The following ZNF737 variants were observed in gnomAD, a reference collection of about 807,000 sequenced individuals.
The protein encoded by ZNF737 is zinc finger protein 737.
In ZNF737, 13 loss-of-function variants were observed where a neutral mutation model predicts 11.7. That is an observed-to-expected ratio of 1.11 (90% CI 0.73 to 1.77). The LOEUF (loss-of-function observed/expected upper bound fraction) is 1.77. ZNF737 is among the 40% of genes most tolerant of loss of function. The probability of loss-of-function intolerance (pLI) is 0.00; values close to 1 mark genes in which losing one functional copy is unlikely to be tolerated. For synonymous variants in ZNF737, 217 were observed against 216.2 expected (o/e 1.00, Z -0.03); for missense variants, 636 against 638.0 (o/e 1.00, Z 0.03).
the ZNF737 span, among the ~76,000 whole-genome samples, chr19:20,530,609 G>T: frequency 5.4e-5 from 8 of 148,040 alleles, 1 homozygote; most frequent in East Asian, 1.7e-3. Context: ...CCGGGCCGAG[G>T]TGCTCCTCAC....
chr19:20,551,951 C>G (rs1186169519), intron 3 of ZNF737, among the ~76,000 whole-genome samples: 1 of 111,428 alleles, frequency 9.0e-6, no homozygotes, highest in African/African-American at 4.4e-5. Context: ...CTCTGAATAG[C>G]CAAAGCAATC....
downstream of ZNF737, among the ~76,000 whole-genome samples, chr19:20,532,260 C>A (rs1275730468): frequency 8.7e-5 from 13 of 150,100 alleles, 2 homozygotes; most frequent in Non-Finnish European, 1.5e-4. Flanking sequence ...GTTGGGATCA[C>A]CTGGGCTGTG....
chr19:20,540,705 G>T lies in ZNF737; in HGVS notation c.*3887C>A. 2 of 655,146 alleles carry T rather than the reference G, an allele frequency of 3.1e-6. No homozygotes were observed. Among genetic ancestry groups the T allele is most frequent in the Non-Finnish European group, 3.8e-6 (2 of 529,096 alleles). The allele number at this position is 655,146 out of a possible 1,614,324, so 40.6% of individuals were successfully genotyped here. A position where few individuals can be genotyped will look rare whatever the true frequency, so the allele number is the denominator to read the frequency against. On this transcript the variant is annotated 3_prime_UTR_variant, in exon 4 of 4. Coordinates refer to ENST00000427401, the MANE Select transcript of ZNF737 (RefSeq NM_001159293.2). ...ACCCAGGAGGTGGAGGTTGCCATGA[G>T]CTGAGATCACGCCACTGCTCTCCAG...
At chr19:20,532,161 C>G (rs1204640886), downstream of ZNF737, among the ~76,000 whole-genome samples, 1 of 150,030 alleles carries the variant, frequency 6.7e-6, no homozygotes, top group African/African-American at 2.5e-5. Flanking sequence ...TGTGTTCACA[C>G]CTACCATTTG....
At chr19:20,532,600 A>G (rs1364270962), downstream of ZNF737, among the ~76,000 whole-genome samples, 1 of 100,992 alleles carries the variant, frequency 9.9e-6, no homozygotes, top group Non-Finnish European at 1.9e-5. Context: ...CAAGCCACAC[A>G]CCATATTACA....
chr19:20,537,345 C>T (rs144625322), downstream of ZNF737, among the ~76,000 whole-genome samples: 10,062 of 150,386 alleles, frequency 0.067, 389 homozygotes, highest in Middle Eastern at 0.17. Flanking sequence ...GGATTACAGG[C>T]ACCTGCAACC....
At chr19:20,531,456 A>AGTTTGTTT (rs60240387), downstream of ZNF737, among the ~76,000 whole-genome samples, 1 of 148,396 alleles carries the variant, frequency 6.7e-6, no homozygotes, top group South Asian at 2.2e-4. Flanking sequence ...TCATTTTGTT[A>AGTTTGTTT]GTTTGTTTTG....
Position 20,540,082 on chromosome 19 carries a change from T to G in ZNF737, c.*4510A>C. 1 of 985,308 alleles carries G rather than the reference T, an allele frequency of 1.0e-6. No homozygotes were observed. The highest frequency in any genetic ancestry group is 1.2e-6 in the Non-Finnish European group (1 of 829,928). The allele number at this position is 985,308 out of a possible 1,614,324, so 61.0% of individuals were successfully genotyped here. ...TTTTTTTCCCTCTGCCATAGAATCCTCTTATGTTCCTTACTGGAAGCAACA... is the reference window on the plus strand; with the variant it reads ...TTTTTTTCCCTCTGCCATAGAATCCGCTTATGTTCCTTACTGGAAGCAACA... On this transcript the variant is annotated 3_prime_UTR_variant, in exon 4 of 4. Transcript: ENST00000427401.
downstream of ZNF737, among the ~76,000 whole-genome samples, chr19:20,533,239 T>C (rs1967872540): frequency 6.7e-6 from 1 of 150,176 alleles, no homozygotes; most frequent in African/African-American, 2.5e-5. Flanking sequence ...TATCAGAGCA[T>C]TCCTCTATTT....
chr19:20,546,772 C>A (rs782586012), intron 3 of ZNF737, among the ~76,000 whole-genome samples: 9 of 152,022 alleles, frequency 5.9e-5, no homozygotes, highest in Non-Finnish European at 1.3e-4. Flanking sequence ...CCTAGATACT[C>A]AAAAAACTGA....
At chr19:20,556,705 A>G (rs1251061900) in intron 1 of ZNF737, among the ~76,000 whole-genome samples, 1 of 152,212 alleles carries the variant, frequency 6.6e-6, no homozygotes, top group Non-Finnish European at 1.5e-5. Flanking sequence ...TCTCCATCCT[A>G]AAGTTTTATA....
chr19:20,552,603 G>C (rs782165929), intron 2 of ZNF737, 33 bp from the exon 3 acceptor site: 4 of 1,468,348 alleles, frequency 2.7e-6, no homozygotes, highest in Non-Finnish European at 2.8e-6. Context: ...CATGAATCTT[G>C]CTCATATTCT....
At chr19:20,547,377 T>A (rs1968491676) in intron 3 of ZNF737, among the ~76,000 whole-genome samples, 1 of 112,672 alleles carries the variant, frequency 8.9e-6, no homozygotes, top group Non-Finnish European at 1.7e-5. Flanking sequence ...CGAGACTCCG[T>A]CTCAAAAAAA....
chr19:20,535,830 A>T (rs992301354), downstream of ZNF737: 1 of 151,180 alleles, frequency 6.6e-6, no homozygotes, highest in African/African-American at 2.5e-5. Flanking sequence ...CCCAGCCCAC[A>T]TAATCCTATT....
At position 20,544,510 on chromosome 19, in the gene ZNF737, G is replaced by T. The variant is rs1386823885; in HGVS notation, c.*82C>A. On this transcript the variant is annotated 3_prime_UTR_variant, in exon 4 of 4. Coordinates refer to ENST00000427401, the MANE Select transcript of ZNF737 (RefSeq NM_001159293.2). ...AGGCTTTGCCACATTTATCACACTT[G>T]TACAGTTTCCCTCCAATATGAATTT... The T allele has an allele frequency of 3.2e-6, 5 of 1,542,688 alleles. No homozygotes were observed. Among genetic ancestry groups the T allele is most frequent in the Non-Finnish European group, 4.3e-6 (5 of 1,151,030 alleles).
At position 20,539,335 on chromosome 19, in the gene ZNF737, G is replaced by A; in HGVS notation, c.*5257C>T. The stretch of plus-strand genomic sequence containing the variant: ...TTTCTTCAATTACTTGGAAACCCTG[G>A]GAAGCCCCTATAAAATACTCCCTTT... On this transcript the variant is annotated 3_prime_UTR_variant, in exon 4 of 4. Transcript: ENST00000427401. The A allele has an allele frequency of 1.0e-6, 1 of 985,066 alleles. No homozygotes were observed. The highest frequency in any genetic ancestry group is 1.2e-6 in the Non-Finnish European group (1 of 829,828). 61.0% of individuals were successfully genotyped at this position (985,066 alleles called of 1,614,324 possible).
intron 3 of ZNF737, among the ~76,000 whole-genome samples, chr19:20,551,470 A>G (rs1968669610): frequency 6.6e-6 from 1 of 150,708 alleles, no homozygotes; most frequent in Non-Finnish European, 1.5e-5. Flanking sequence ...AAAGAAATCC[A>G]TTGCAATTGA....
rs1056950128 is a variant in ZNF737, at chr19:20,540,913, C to G, written c.*3679G>C. On this transcript the variant is annotated 3_prime_UTR_variant, in exon 4 of 4. Transcript: ENST00000427401. ...TTTATGCACCATTTATACATTCACACACACATAGAACAATAAAAATATATC... is the reference window on the plus strand; with the variant it reads ...TTTATGCACCATTTATACATTCACAGACACATAGAACAATAAAAATATATC... 9 of 968,630 alleles carry G rather than the reference C, an allele frequency of 9.3e-6. No individual in the cohort carries two copies. Among genetic ancestry groups the G allele is most frequent in the Non-Finnish European group, 1.1e-5 (9 of 814,640 alleles). The allele number at this position is 968,630 out of a possible 1,614,324, so 60.0% of individuals were successfully genotyped here. A position where few individuals can be genotyped will look rare whatever the true frequency, so the allele number is the denominator to read the frequency against.
chr19:20,553,685 A>G, intron 2 of ZNF737, 24 bp downstream of exon 2: 1 of 1,606,150 alleles, frequency 6.2e-7, no homozygotes. Flanking sequence ...TATATTATGA[A>G]TTATGTATTA....
Sources: allele counts gnomAD v4.1 joint callset (sites outside exome capture counted in the v4.1 genomes callset), GRCh38; gene constraint gnomAD v4.1.1; transcripts MANE v1.5; gene names NCBI Gene and HGNC (gene_info 2026-07-23, HGNC 2026-07-21).